SPATA17: variants seen among roughly 807,000 people sequenced by gnomAD.
SPATA17 encodes spermatogenesis associated 17, also known as spermatogenesis-associated protein 17.
SPATA17 carries 53 observed loss-of-function variants against 62.2 expected under a neutral mutation model. That is an observed-to-expected ratio of 0.85 (90% confidence interval 0.68 to 1.07). The LOEUF (loss-of-function observed/expected upper bound fraction) is 1.07. SPATA17 is among the 50% of genes least tolerant of loss of function. SPATA17 has a pLI of 0.00. For missense variants in SPATA17, 466 were observed against 425.5 expected, an observed-to-expected ratio of 1.10 and a Z score of -0.84; for synonymous variants, 146 against 146.8, an observed-to-expected ratio of 0.99 and a Z score of 0.04.
chr1:217,649,145 T>G (rs1453759377), intron 2 of SPATA17, among the ~76,000 whole-genome samples, 174 bp downstream of exon 2: 1 of 152,208 alleles, frequency 6.6e-6, no homozygotes, highest in African/African-American at 2.4e-5. Flanking sequence ...TGATCTTTTC[T>G]TACCAAAACT....
intron 7 of SPATA17, among the ~76,000 whole-genome samples, chr1:217,779,480 G>A: frequency 6.7e-6 from 1 of 148,808 alleles, no homozygotes; most frequent in Non-Finnish European, 1.5e-5. Flanking sequence ...CTTTTCCTCT[G>A]GCCATGTCAT....
chr1:217,733,644 T>C (rs1672446698), intron 5 of SPATA17, among the ~76,000 whole-genome samples: 1 of 152,228 alleles, frequency 6.6e-6, no homozygotes, highest in African/African-American at 2.4e-5. Context: ...TATTTGTGAA[T>C]ACCTGCTTGA....
At position 217,706,109 on chromosome 1, in the gene SPATA17, T is replaced by C. The variant is rs182013214; in HGVS notation, c.395+22748T>C. Among the ~76,000 whole-genome samples, 3 of 152,328 alleles carry C rather than the reference T, an allele frequency of 2.0e-5. No homozygotes were observed. The East Asian group carries it at 5.8e-4, about 29-fold the overall frequency. ...CACTACCATGCTGTTTTGGTTTCTG[T>C]AGTCTTGTAGTATAGTTTGAATTTG... On this transcript the variant is annotated intron_variant, in intron 5 of 10. Coordinates refer to ENST00000366933, the MANE Select transcript of SPATA17 (RefSeq NM_138796.4).
At chr1:217,784,256 C>T (rs1325012836) in intron 8 of SPATA17, among the ~76,000 whole-genome samples, 1 of 152,036 alleles carries the variant, frequency 6.6e-6, no homozygotes, top group African/African-American at 2.4e-5. Flanking sequence ...TTTGTTAATG[C>T]AGAGGGTCCT....
At chr1:217,698,788 C>G (rs1442894299) in intron 5 of SPATA17, among the ~76,000 whole-genome samples, 2 of 152,108 alleles carry the variant, frequency 1.3e-5, no homozygotes, top group Non-Finnish European at 2.9e-5. Context: ...TCTCCCACCA[C>G]AGCCAACACA....
intron 8 of SPATA17, among the ~76,000 whole-genome samples, chr1:217,790,892 T>A (rs1185791871): frequency 6.6e-6 from 1 of 152,224 alleles, no homozygotes; most frequent in Non-Finnish European, 1.5e-5. Context: ...GCACTGGTTC[T>A]ATTTATCATT....
chr1:217,758,613 A>G (rs1673102273), intron 6 of SPATA17, among the ~76,000 whole-genome samples: 1 of 152,200 alleles, frequency 6.6e-6, no homozygotes, highest in African/African-American at 2.4e-5. Context: ...TGCATAGTTG[A>G]AATGATTCTT....
chr1:217,832,477 T>A (rs10495079), intron 9 of SPATA17, among the ~76,000 whole-genome samples: 10,964 of 152,158 alleles, frequency 0.072, 454 homozygotes, highest in East Asian at 0.14. Flanking sequence ...GTTACATTAA[T>A]TTGTCAGATT....
chr1:217,635,741 A>C (rs1669921176), intron 1 of SPATA17, among the ~76,000 whole-genome samples: 1 of 150,830 alleles, frequency 6.6e-6, no homozygotes, highest in Admixed American at 6.6e-5. Flanking sequence ...TATCAGTAGA[A>C]AGAAATGAGG....
intron 9 of SPATA17, among the ~76,000 whole-genome samples, chr1:217,843,716 A>T (rs1182632534): frequency 6.6e-6 from 1 of 152,122 alleles, no homozygotes; most frequent in East Asian, 1.9e-4. Flanking sequence ...GCAGCCATAG[A>T]TTATACATAA....
At chr1:217,777,908 T>G (rs1673632751) in intron 7 of SPATA17, among the ~76,000 whole-genome samples, 1 of 152,134 alleles carries the variant, frequency 6.6e-6, no homozygotes, top group African/African-American at 2.4e-5. Flanking sequence ...TATATCAATA[T>G]TCTAGTGAAA....
At chr1:217,662,327 C>T (rs1014515916) in intron 3 of SPATA17, among the ~76,000 whole-genome samples, 7 of 152,032 alleles carry the variant, frequency 4.6e-5, no homozygotes, top group South Asian at 2.1e-4. Context: ...GTCAATGTTA[C>T]GTTTTTAAAT....
At chr1:217,697,459 TC>T (rs2102916564) in intron 5 of SPATA17, among the ~76,000 whole-genome samples, 1 of 152,344 alleles carries the variant, frequency 6.6e-6, no homozygotes, top group African/African-American at 2.4e-5. Context: ...TCTCATTTCT[TC>T]TTTTATTTCA....
intron 7 of SPATA17, among the ~76,000 whole-genome samples, chr1:217,778,437 C>T (rs1279454464): frequency 2.0e-5 from 3 of 152,046 alleles, no homozygotes; most frequent in African/African-American, 7.2e-5. Flanking sequence ...AGGAGAATCG[C>T]TTGAACCTGG....
intron 6 of SPATA17, among the ~76,000 whole-genome samples, chr1:217,747,505 A>C (rs2102952511): frequency 6.6e-6 from 1 of 152,318 alleles, no homozygotes; most frequent in East Asian, 1.9e-4. Flanking sequence ...CCAAATTATA[A>C]AAGGTTACTT....
chr1:217,726,105 G>C (rs889320712), intron 5 of SPATA17, among the ~76,000 whole-genome samples: 68 of 152,106 alleles, frequency 4.5e-4, no homozygotes, highest in Non-Finnish European at 1.2e-4. Flanking sequence ...TACTCTGCTA[G>C]AAGGCTGGAT....
At chr1:217,837,803 T>C (rs1240489099) in intron 9 of SPATA17, among the ~76,000 whole-genome samples, 1 of 152,178 alleles carries the variant, frequency 6.6e-6, no homozygotes, top group Non-Finnish European at 1.5e-5. Flanking sequence ...AGTACTTTTA[T>C]TTCTCTTTGT....
intron 9 of SPATA17, 33 bp from the exon 10 acceptor site, chr1:217,862,741 C>G: frequency 7.1e-7 from 1 of 1,413,764 alleles, no homozygotes; most frequent in Non-Finnish European, 9.9e-7. Context: ...TCATGAAGAT[C>G]TCTGTGGTAA....
intron 7 of SPATA17, among the ~76,000 whole-genome samples, chr1:217,775,681 A>G (rs1673572176): frequency 6.6e-6 from 1 of 151,960 alleles, no homozygotes; most frequent in South Asian, 2.1e-4. Flanking sequence ...CAGCCTGGCG[A>G]CCGATCTATA....
Sources: allele counts gnomAD v4.1 joint callset (sites outside exome capture counted in the v4.1 genomes callset), GRCh38; gene constraint gnomAD v4.1.1; transcripts MANE v1.5; gene names NCBI Gene and HGNC (gene_info 2026-07-23, HGNC 2026-07-21).